Variants in FSIP1 observed in about 807,000 individuals in gnomAD.
The protein encoded by FSIP1 is fibrous sheath-interacting protein 1.
A neutral mutation model predicts 60.9 loss-of-function variants in FSIP1; 65 were observed. That is an observed-to-expected ratio of 1.07 (90% CI 0.87 to 1.31). The LOEUF (loss-of-function observed/expected upper bound fraction) is 1.31. Ranked by LOEUF, FSIP1 falls within the 40% of genes most tolerant of loss-of-function variation. FSIP1 has a pLI of 0.00. For missense variants in FSIP1, 675 were observed against 665.5 expected (o/e 1.01, Z -0.16); for synonymous variants, 209 against 221.2 (o/e 0.94, Z 0.49).
In FSIP1 at chr15:39,632,971, C is replaced by T. The variant is rs1891965584; in HGVS notation, c.1189-14726G>A. ...GGGTGATAGGTCGAAATACAAGGAG[C>T]ATAAAAATGAAAACACAGAGATATG... On this transcript the variant is annotated intron_variant, in intron 10 of 11. Coordinates refer to ENST00000350221, the MANE Select transcript of FSIP1 (RefSeq NM_152597.5). Among the ~76,000 whole-genome samples the T allele has an allele frequency of 2.0e-5, 3 of 151,908 alleles. No individual in the cohort carries two copies. In the South Asian group the frequency reaches 6.3e-4, roughly 32 times the overall value.
At chr15:39,720,972 G>A (rs1367415554) in intron 9 of FSIP1, among the ~76,000 whole-genome samples, 1 of 152,188 alleles carries the variant, frequency 6.6e-6, no homozygotes, top group Non-Finnish European at 1.5e-5. Context: ...TCTTTTGACT[G>A]TGACCACAAG....
chr15:39,654,078 C>A (rs1892979098), intron 10 of FSIP1, among the ~76,000 whole-genome samples: 1 of 152,214 alleles, frequency 6.6e-6, no homozygotes, highest in Non-Finnish European at 1.5e-5. Flanking sequence ...AAGCCTAGAG[C>A]TGTCATCTCC....
intron 10 of FSIP1, among the ~76,000 whole-genome samples, chr15:39,688,780 C>T (rs1000066470): frequency 6.6e-6 from 1 of 151,978 alleles, no homozygotes; most frequent in African/African-American, 2.4e-5. Context: ...GACCCAGCAC[C>T]CAATCTCTTT....
In FSIP1 at chr15:39,601,658, T is replaced by C. The variant is rs376459286; in HGVS notation, c.1700-732A>G. Reference sequence around the variant, plus strand: ...AAAGTGGAAACAACCCAAATGTCCATCAAATGATGAATGGATAAGCAAAAT... The same window carrying C: ...AAAGTGGAAACAACCCAAATGTCCACCAAATGATGAATGGATAAGCAAAAT... On this transcript the variant is annotated intron_variant, in intron 11 of 11. Transcript: ENST00000350221. 4.6e-5 allele frequency among the ~76,000 whole-genome samples: 7 copies of C among 152,204 alleles called. No individual in the cohort carries two copies. In the South Asian group the frequency reaches 6.2e-4, roughly 14 times the overall value.
chr15:39,597,486 ATTTG>A (rs1890495573), downstream of FSIP1: 1 of 152,008 alleles, frequency 6.6e-6, no homozygotes, highest in African/African-American at 2.4e-5. Context: ...ATCCATGCTT[ATTTG>A]TTCTCTACTG....
At chr15:39,775,434 A>G (rs914439790) in intron 2 of FSIP1, among the ~76,000 whole-genome samples, 1 of 152,156 alleles carries the variant, frequency 6.6e-6, no homozygotes, top group Non-Finnish European at 1.5e-5. Context: ...AAAAGAAATA[A>G]ATGAGAAAAC....
chr15:39,724,123 C>T (rs1455104065), intron 9 of FSIP1, among the ~76,000 whole-genome samples: 1 of 152,116 alleles, frequency 6.6e-6, no homozygotes, highest in Admixed American at 6.5e-5. Context: ...AACACGTAAT[C>T]TCAGTATGTA....
At chr15:39,641,131 G>A (rs1892352447) in intron 10 of FSIP1, among the ~76,000 whole-genome samples, 1 of 151,998 alleles carries the variant, frequency 6.6e-6, no homozygotes. Flanking sequence ...AATCTTTGGA[G>A]ACAAAGATGC....
Position 39,782,614 on chromosome 15 carries a change from G to C in FSIP1, c.-8+14C>G, listed in dbSNP as rs1204499236. 6.6e-6 allele frequency: 1 copy of C among 152,446 alleles called. No individual in the cohort carries two copies. The highest frequency in any genetic ancestry group is 1.5e-5 in the Non-Finnish European group (1 of 68,198). The allele number at this position is 152,446 out of a possible 1,614,324, so 9.4% of individuals were successfully genotyped here. On this transcript the variant is annotated intron_variant, in intron 1 of 11. Transcript: ENST00000350221. ...CCGCGACCGAGCTCCGCCCTCATCT[G>C]CGCGGCCCCTCACCTTCCCGCCGGG...
At chr15:39,709,454 T>C (rs1328021135) in intron 10 of FSIP1, among the ~76,000 whole-genome samples, 2 of 152,220 alleles carry the variant, frequency 1.3e-5, no homozygotes, top group African/African-American at 2.4e-5. Flanking sequence ...CAATAGAAGA[T>C]TTAATCCAAT....
intron 10 of FSIP1, among the ~76,000 whole-genome samples, chr15:39,634,673 G>A (rs11638558): frequency 0.17 from 25,183 of 152,112 alleles, 2,404 homozygotes; most frequent in East Asian, 0.32. Flanking sequence ...CTAGCATGTG[G>A]CCTGTTTAGA....
chr15:39,778,667 A>T (rs78553123), intron 1 of FSIP1, among the ~76,000 whole-genome samples: 3,137 of 152,334 alleles, frequency 0.021, 45 homozygotes, highest in Non-Finnish European at 0.031. Flanking sequence ...TTGAATGTTG[A>T]TTTAACCAAA....
At chr15:39,719,636 G>C (rs748164195) in intron 9 of FSIP1, among the ~76,000 whole-genome samples, 5 of 152,214 alleles carry the variant, frequency 3.3e-5, no homozygotes, top group Non-Finnish European at 7.3e-5. Context: ...AAGACAGCTT[G>C]TCCTATGTTT....
chr15:39,776,191 G>GGAGA (rs1305337078), intron 2 of FSIP1, among the ~76,000 whole-genome samples: 2 of 90,638 alleles, frequency 2.2e-5, no homozygotes, highest in African/African-American at 4.2e-5. Context: ...GGCGGAGGGA[G>GGAGA]GAGAGAGAGG....
chr15:39,738,923 G>A (rs1488783192), intron 7 of FSIP1, among the ~76,000 whole-genome samples: 1 of 152,130 alleles, frequency 6.6e-6, no homozygotes, highest in African/African-American at 2.4e-5. Flanking sequence ...AGGCTTGAAG[G>A]GTAAAAAATT....
chr15:39,636,748 G>A (rs1220294502), intron 10 of FSIP1, among the ~76,000 whole-genome samples: 2 of 152,196 alleles, frequency 1.3e-5, no homozygotes, highest in African/African-American at 4.8e-5. Context: ...TTGACAACTT[G>A]CATTACTGCA....
chr15:39,778,427 A>G lies in FSIP1; in HGVS notation c.-7-1896T>C, dbSNP rs533153478. On this transcript the variant is annotated intron_variant, in intron 1 of 11. Coordinates refer to ENST00000350221, the MANE Select transcript of FSIP1 (RefSeq NM_152597.5). The stretch of plus-strand genomic sequence containing the variant: ...TTAGGTTCACTCCTGAAAATAATAA[A>G]TTAAATAAAATGCAGTTCCTGAGGT... 1.3e-4 allele frequency among the ~76,000 whole-genome samples: 20 copies of G among 152,360 alleles called. No homozygotes were observed. The South Asian group carries it at 3.9e-3, about 30-fold the overall frequency.
intron 10 of FSIP1, 150 bp downstream of exon 10, chr15:39,713,294 C>A: frequency 3.7e-6 from 2 of 540,048 alleles, no homozygotes; most frequent in Non-Finnish European, 6.3e-6. Context: ...TGGACGGGTG[C>A]GGTGGCCCAC....
At chr15:39,706,471 C>G (rs571430793) in intron 10 of FSIP1, among the ~76,000 whole-genome samples, 1 of 152,228 alleles carries the variant, frequency 6.6e-6, no homozygotes, top group Non-Finnish European at 1.5e-5. Context: ...GAATATTATT[C>G]CTTGTGATGA....
Sources: gnomAD v4.1 joint callset for allele counts (sites outside exome capture counted in the v4.1 genomes callset) on GRCh38, gnomAD v4.1.1 for gene constraint, MANE v1.5 for transcripts, NCBI Gene and HGNC (gene_info 2026-07-23, HGNC 2026-07-21) for gene names.